Variants in LEP observed in about 807,000 individuals in gnomAD.
The protein encoded by LEP is leptin (murine obesity homolog).
Under a neutral mutation model 9.8 loss-of-function variants are expected in LEP, and 6 were observed. The observed-to-expected ratio is 0.61, with a 90% CI of 0.34 to 1.21. The LOEUF (loss-of-function observed/expected upper bound fraction) is 1.21. LEP is among the 50% of genes most tolerant of loss of function. LEP has a pLI of 0.04. For synonymous variants in LEP, 112 were observed against 81.7 expected (o/e 1.37, Z -2.00); for missense variants, 134 against 198.1 (o/e 0.68, Z 1.94).
Position 128,254,712 on chromosome 7 carries a change from G to A in LEP, c.453G>A (p.Gln151=), listed in dbSNP as rs367606905. 3 of 1,613,426 alleles carry A rather than the reference G, an allele frequency of 1.9e-6. No homozygotes were observed. In the African/African-American group the frequency reaches 4.0e-5, roughly 22 times the overall value. The change falls in exon 3 of 3, where the codon CAG becomes CAA. Residue 151 remains glutamine, a synonymous_variant. Coordinates refer to ENST00000308868, the MANE Select transcript of LEP (RefSeq NM_000230.3). ...STEVVALSRL[Q]GSLQDMLWQL... ...AGGTGGTGGCCCTGAGCAGGCTGCA[G>A]GGGTCTCTGCAGGACATGCTGTGGC...
At chr7:128,244,896 A>G (rs915284768) in intron 1 of LEP, among the ~76,000 whole-genome samples, 70 of 152,214 alleles carry the variant, frequency 4.6e-4, no homozygotes, top group African/African-American at 1.7e-3. Flanking sequence ...AGAGAAGTTG[A>G]TTGACCCAAT....
chr7:128,254,321 C>A, intron 2 of LEP, 83 bp from the exon 3 acceptor site: 1 of 1,564,766 alleles, frequency 6.4e-7, no homozygotes, highest in Non-Finnish European at 8.7e-7. Flanking sequence ...AATGACCCTC[C>A]ATGCCCACGG....
At chr7:128,246,667 C>A (rs919291212) in intron 1 of LEP, among the ~76,000 whole-genome samples, 9 of 151,640 alleles carry the variant, frequency 5.9e-5, no homozygotes. Flanking sequence ...CTTGCTGTGT[C>A]GCCCAGGCTG....
intron 1 of LEP, among the ~76,000 whole-genome samples, chr7:128,242,022 G>T (rs966139113): frequency 2.6e-4 from 40 of 152,360 alleles, no homozygotes; most frequent in African/African-American, 9.6e-4. Context: ...AATACGCGCT[G>T]TTGGCCCACC....
At chr7:128,243,603 G>T (rs1303333347) in intron 1 of LEP, among the ~76,000 whole-genome samples, 6 of 152,124 alleles carry the variant, frequency 3.9e-5, no homozygotes, top group Non-Finnish European at 5.9e-5. Flanking sequence ...GCAGACCAAG[G>T]TCCCCAAGAG....
At chr7:128,246,551 T>A (rs1372902251) in intron 1 of LEP, among the ~76,000 whole-genome samples, 1 of 152,056 alleles carries the variant, frequency 6.6e-6, no homozygotes, top group Non-Finnish European at 1.5e-5. Flanking sequence ...CATCCTGGGC[T>A]CAGGCAAACC....
At chr7:128,248,397 A>C (rs1045892355) in intron 1 of LEP, among the ~76,000 whole-genome samples, 3 of 151,914 alleles carry the variant, frequency 2.0e-5, no homozygotes, top group Admixed American at 6.6e-5. Flanking sequence ...GCACCATTGC[A>C]CTCCAGCCTG....
intron 1 of LEP, among the ~76,000 whole-genome samples, chr7:128,247,540 T>C (rs1171031726): frequency 6.6e-6 from 1 of 152,188 alleles, no homozygotes; most frequent in East Asian, 1.9e-4. Context: ...CACCCTGGTG[T>C]CAGCTGGAAG....
intron 1 of LEP, among the ~76,000 whole-genome samples, chr7:128,246,544 C>T (rs1296748567): frequency 6.6e-6 from 1 of 152,088 alleles, no homozygotes; most frequent in Non-Finnish European, 1.5e-5. Context: ...GCCTCGACAT[C>T]CTGGGCTCAG....
At chr7:128,243,396 G>A (rs528700185) in intron 1 of LEP, among the ~76,000 whole-genome samples, 5 of 152,310 alleles carry the variant, frequency 3.3e-5, no homozygotes, top group African/African-American at 9.6e-5. Flanking sequence ...AAGAGAAACC[G>A]CAGAGAAGAC....
At chr7:128,244,006 T>A (rs950760888) in intron 1 of LEP, among the ~76,000 whole-genome samples, 7 of 151,870 alleles carry the variant, frequency 4.6e-5, no homozygotes, top group African/African-American at 1.5e-4. Context: ...CCCAGCACTT[T>A]GGGAGGCCAA....
intron 1 of LEP, among the ~76,000 whole-genome samples, chr7:128,246,598 C>T (rs1440375468): frequency 6.6e-6 from 1 of 151,918 alleles, no homozygotes; most frequent in Non-Finnish European, 1.5e-5. Context: ...GGACCACAAG[C>T]GTTTGCCACC....
chr7:128,251,003 C>A (rs1048038469), intron 1 of LEP, among the ~76,000 whole-genome samples: 5 of 152,120 alleles, frequency 3.3e-5, no homozygotes, highest in Non-Finnish European at 5.9e-5. Flanking sequence ...AAGTTTCAAG[C>A]GTTCTGGGTG....
chr7:128,243,428 C>T (rs1453541251), intron 1 of LEP, among the ~76,000 whole-genome samples: 1 of 152,092 alleles, frequency 6.6e-6, no homozygotes, highest in African/African-American at 2.4e-5. Context: ...GCAGGGGTCT[C>T]TGAGAAGGGG....
intron 1 of LEP, among the ~76,000 whole-genome samples, chr7:128,244,464 G>GT (rs1341466275): frequency 6.6e-6 from 1 of 152,060 alleles, no homozygotes; most frequent in Non-Finnish European, 1.5e-5. Flanking sequence ...CTGGCCCTGT[G>GT]TTTTTCAAAT....
At chr7:128,242,882 A>G (rs867815356) in intron 1 of LEP, among the ~76,000 whole-genome samples, 1 of 152,168 alleles carries the variant, frequency 6.6e-6, no homozygotes, top group Non-Finnish European at 1.5e-5. Context: ...AGATGCCACC[A>G]GGGGCGTGGG....
At chr7:128,249,190 T>G (rs898386844) in intron 1 of LEP, among the ~76,000 whole-genome samples, 1 of 152,200 alleles carries the variant, frequency 6.6e-6, no homozygotes, top group African/African-American at 2.4e-5. Context: ...TTGGCATGTG[T>G]TAAGTCGGTT....
intron 1 of LEP, among the ~76,000 whole-genome samples, chr7:128,242,114 A>G (rs1165260835): frequency 6.6e-6 from 1 of 152,130 alleles, no homozygotes; most frequent in African/African-American, 2.4e-5. Context: ...TCCTGTTTCT[A>G]TAGTTTAAAG....
At chr7:128,243,370 G>T (rs542496835) in intron 1 of LEP, among the ~76,000 whole-genome samples, 127 of 152,294 alleles carry the variant, frequency 8.3e-4, no homozygotes, top group African/African-American at 2.9e-3. Context: ...CAGGCTGGGG[G>T]GTTGCCAAGG....
Sources: gnomAD v4.1 joint callset for allele counts (sites outside exome capture counted in the v4.1 genomes callset) on GRCh38, gnomAD v4.1.1 for gene constraint, MANE v1.5 for transcripts, NCBI Gene and HGNC (gene_info 2026-07-23, HGNC 2026-07-21) for gene names.